Variants in DMD observed in about 807,000 individuals in gnomAD.
DMD encodes the protein mutant dystrophin.
A neutral mutation model predicts 330.1 loss-of-function variants in DMD; 63 were observed. The observed-to-expected ratio is 0.19, with a 90% CI of 0.16 to 0.24. The LOEUF is 0.24. DMD is among the 10% of genes least tolerant of loss of function. The pLI, the probability that DMD is intolerant of heterozygous loss-of-function variation, is 1.00. For missense variants in DMD, 3,344 were observed against 2,684.1 expected (o/e 1.25, Z -5.43); for synonymous variants, 1,223 against 959.8 (o/e 1.27, Z -5.07).
chrX:31,903,622 T>A (rs1335572210), intron 47 of DMD, among the ~76,000 whole-genome samples: 1 of 112,261 alleles, frequency 8.9e-6, no homozygotes, highest in African/African-American at 3.2e-5. Context: ...AATTCTTCTG[T>A]GAATACTGAA....
chrX:31,329,842 G>A (rs968904306), intron 61 of DMD, among the ~76,000 whole-genome samples: 1 of 107,644 alleles, frequency 9.3e-6, no homozygotes, highest in Admixed American at 1.0e-4. Flanking sequence ...GAGGTGGCGC[G>A]CACCTATAGT....
At chrX:32,088,133 A>G (rs2096452617) in intron 44 of DMD, among the ~76,000 whole-genome samples, 1 of 112,411 alleles carries the variant, frequency 8.9e-6, no homozygotes, top group Non-Finnish European at 1.9e-5. Context: ...CTACTAAAAC[A>G]TATAATGAAA....
chrX:33,091,598 T>A (rs757830924), intron 1 of DMD, among the ~76,000 whole-genome samples: 1 of 112,085 alleles, frequency 8.9e-6, no homozygotes, highest in Non-Finnish European at 1.9e-5. Context: ...ACAAATAATG[T>A]CTTGTAAAAG....
intron 15 of DMD, among the ~76,000 whole-genome samples, chrX:32,571,531 TCA>T (rs2052419752): frequency 8.9e-6 from 1 of 111,792 alleles, no homozygotes; most frequent in Admixed American, 9.5e-5. Context: ...TCTATTCGTT[TCA>T]CTTAATGTGT....
intron 2 of DMD, among the ~76,000 whole-genome samples, chrX:32,886,352 A>G (rs759275908): frequency 9.0e-6 from 1 of 110,545 alleles, no homozygotes; most frequent in South Asian, 4.0e-4. Context: ...TAATTTTGCT[A>G]AGTATTTTTG....
At chrX:31,860,071 T>C (rs1006664509) in intron 48 of DMD, among the ~76,000 whole-genome samples, 7 of 103,840 alleles carry the variant, frequency 6.7e-5, no homozygotes, top group African/African-American at 2.5e-4. Flanking sequence ...ATGACACCCA[T>C]GGGCAGAGCA....
chrX:31,525,917 G>A (rs963228439), intron 55 of DMD, among the ~76,000 whole-genome samples: 2 of 112,170 alleles, frequency 1.8e-5, no homozygotes, highest in African/African-American at 6.5e-5. Flanking sequence ...CAGATAAACG[G>A]ATTGAAAAGA....
Position 32,733,520 on chromosome X carries a change from T to C in DMD, c.650-34227A>G, listed in dbSNP as rs763631995. Among the ~76,000 whole-genome samples the C allele has an allele frequency of 3.5e-3, 391 of 110,479 alleles. 1 individual carries two copies. Among genetic ancestry groups the C allele is most frequent in the Non-Finnish European group, 5.8e-3 (306 of 53,098 alleles). ...CTGACCACATACTTGGAAGTAAAGC[T>C]CTCCTCAGCAAATGTAGAAGAACAG... On this transcript the variant is annotated intron_variant, in intron 7 of 78. Transcript: ENST00000357033.
intron 50 of DMD, among the ~76,000 whole-genome samples, chrX:31,806,705 C>T (rs1024326225): frequency 4.4e-5 from 5 of 112,478 alleles, no homozygotes; most frequent in Non-Finnish European, 7.5e-5. Context: ...CACTTGCATC[C>T]ATGGCCTTGC....
chrX:31,955,295 T>A (rs895283297), intron 45 of DMD, among the ~76,000 whole-genome samples: 9 of 112,183 alleles, frequency 8.0e-5, no homozygotes, highest in African/African-American at 2.9e-4. Context: ...ATCATAAATG[T>A]AGTGGGGAAT....
intron 22 of DMD, 95 bp from the exon 23 acceptor site, chrX:32,468,805 C>G: frequency 4.1e-6 from 3 of 725,034 alleles, no homozygotes; most frequent in Non-Finnish European, 6.3e-6. Flanking sequence ...CTATATGATT[C>G]AAACATGTAA....
At chrX:31,416,384 T>C (rs1045871594) in intron 60 of DMD, among the ~76,000 whole-genome samples, 2 of 112,503 alleles carry the variant, frequency 1.8e-5, no homozygotes, top group South Asian at 3.7e-4. Flanking sequence ...AACTAAAATA[T>C]TTTAATGACA....
At chrX:32,755,995 G>C (rs2148333074) in intron 7 of DMD, among the ~76,000 whole-genome samples, 1 of 112,646 alleles carries the variant, frequency 8.9e-6, no homozygotes, top group South Asian at 3.6e-4. Flanking sequence ...CTGTCATTCA[G>C]TTGCAGTAAC....
chrX:31,294,521 TC>T lies in DMD; in HGVS notation c.9224+29076del, dbSNP rs755857089. ...TAAAATTACTTTCCCCTTTTGGACT[TC>T]CATTTTCCTATCTGTAAGATGAAGA... On this transcript the variant is annotated intron_variant, in intron 62 of 78. Transcript: ENST00000357033. 9.3e-3 allele frequency among the ~76,000 whole-genome samples: 1,048 copies of T among 112,382 alleles called. 13 individuals carry two copies. Among genetic ancestry groups the T allele is most frequent in the Non-Finnish European group, 0.012 (657 of 53,227 alleles).
At chrX:32,971,289 G>T (rs897498238) in intron 2 of DMD, among the ~76,000 whole-genome samples, 1 of 111,526 alleles carries the variant, frequency 9.0e-6, no homozygotes, top group African/African-American at 3.3e-5. Flanking sequence ...TTAGGTGCAA[G>T]ATTGTGCTGT....
At chrX:33,245,823 C>A (rs1278737105) in intron 1 of DMD, among the ~76,000 whole-genome samples, 1 of 111,661 alleles carries the variant, frequency 9.0e-6, no homozygotes, top group Non-Finnish European at 1.9e-5. Flanking sequence ...CCATTAAGAA[C>A]AGAATGAAAA....
chrX:32,475,259 C>T lies in DMD; in HGVS notation c.2804-2950G>A, dbSNP rs1021156206. ...ACCATGCTGTTTTGGTGACTATGGCCTTATAGTATAGTTTGAAATCAGGTA... is the reference window on the plus strand; with the variant it reads ...ACCATGCTGTTTTGGTGACTATGGCTTTATAGTATAGTTTGAAATCAGGTA... On this transcript the variant is annotated intron_variant, in intron 21 of 78. Transcript: ENST00000357033. Among the ~76,000 whole-genome samples the T allele has an allele frequency of 2.7e-5, 3 of 111,499 alleles. No homozygotes were observed. The Admixed American group carries it at 2.9e-4, about 11-fold the overall frequency.
chrX:32,666,831 A>G (rs1393791397), intron 9 of DMD, among the ~76,000 whole-genome samples: 2 of 108,562 alleles, frequency 1.8e-5, no homozygotes, highest in Non-Finnish European at 3.8e-5. Context: ...TGTCTCCAAA[A>G]AAAAAAAAAC....
At chrX:33,043,314 A>G (rs1235053575) in intron 1 of DMD, among the ~76,000 whole-genome samples, 4 of 111,514 alleles carry the variant, frequency 3.6e-5, no homozygotes, top group Admixed American at 1.9e-4. Flanking sequence ...CTTCAACTGA[A>G]ACTATCACCT....
Sources: allele counts gnomAD v4.1 joint callset (sites outside exome capture counted in the v4.1 genomes callset), GRCh38; gene constraint gnomAD v4.1.1; transcripts MANE v1.5; gene names NCBI Gene and HGNC (gene_info 2026-07-23, HGNC 2026-07-21).